The following STK40 variants were observed in gnomAD, a reference collection of about 807,000 sequenced individuals.
The protein encoded by STK40 is serine/threonine-protein kinase 40.
Under a neutral mutation model 47.9 loss-of-function variants are expected in STK40, and 13 were observed. The observed-to-expected ratio is 0.27, with a 90% CI of 0.18 to 0.43. The LOEUF is 0.43. Among genes scored for constraint, STK40 ranks in the 20% least tolerant of loss-of-function variants. STK40 has a pLI of 1.00. For synonymous variants in STK40, 225 were observed against 243.2 expected, an observed-to-expected ratio of 0.93 and a Z score of 0.69; for missense variants, 460 against 595.1, an observed-to-expected ratio of 0.77 and a Z score of 2.36.
intron 1 of STK40, among the ~76,000 whole-genome samples, chr1:36,367,439 T>A (rs1463525961): frequency 6.6e-6 from 1 of 152,194 alleles, no homozygotes; most frequent in Non-Finnish European, 1.5e-5. Flanking sequence ...GATCTTACTC[T>A]GTCAATTTGG....
chr1:36,383,841 T>A (rs907841024), intron 1 of STK40, among the ~76,000 whole-genome samples: 7 of 152,006 alleles, frequency 4.6e-5, no homozygotes, highest in Non-Finnish European at 8.8e-5. Flanking sequence ...GCTCTCAAAG[T>A]ATTCATTCTC....
chr1:36,340,480 CCTCT>C lies in STK40; in HGVS notation c.*1271_*1274del, dbSNP rs1334274344. ...ATGACTGCCTGGAGGGGACACTCAG[CCTCT>C]CTGAGGACATATGGGGGGTAGGCCT... On this transcript the variant is annotated 3_prime_UTR_variant, in exon 11 of 11. Coordinates refer to ENST00000373132, the MANE Select transcript of STK40 (RefSeq NM_001282547.2). 6.6e-6 allele frequency: 1 copy of C among 152,660 alleles called. No homozygotes were observed. Among genetic ancestry groups the C allele is most frequent in the African/African-American group, 2.4e-5 (1 of 41,400 alleles). 9.5% of individuals were successfully genotyped at this position (152,660 alleles called of 1,614,324 possible). A position where few individuals can be genotyped will look rare whatever the true frequency, so the allele number is the denominator to read the frequency against.
rs115551781 is a variant in STK40 at position 36,372,167 on chromosome 1, C to A, written c.-8-10827G>T. 3.2e-3 allele frequency among the ~76,000 whole-genome samples: 487 copies of A among 152,146 alleles called. 3 individuals carry two copies. Among genetic ancestry groups the A allele is most frequent in the African/African-American group, 0.011 (470 of 41,526 alleles). On this transcript the variant is annotated intron_variant, in intron 1 of 10. Coordinates refer to ENST00000373132, the MANE Select transcript of STK40 (RefSeq NM_001282547.2). ...ACTGATCACCTCCCCACAACACACACACACAACACAAAATTTTCTAGAAAA... is the reference window on the plus strand; with the variant it reads ...ACTGATCACCTCCCCACAACACACAAACACAACACAAAATTTTCTAGAAAA...
chr1:36,367,827 C>T (rs1423536941), intron 1 of STK40: 6 of 985,600 alleles, frequency 6.1e-6, no homozygotes, highest in South Asian at 9.4e-5. Context: ...CACATAGGAG[C>T]GCACACATGC....
At position 36,362,293 on chromosome 1, in the gene STK40, G is replaced by A. The variant is rs567809868; in HGVS notation, c.-8-953C>T. On this transcript the variant is annotated intron_variant, in intron 1 of 10. Transcript: ENST00000373132. ...ATCCGGGGGGGACAAGGAAACAGAT[G>A]TGTACAGACGAGTTCCACATGGGGA... 3.3e-5 allele frequency among the ~76,000 whole-genome samples: 5 copies of A among 152,322 alleles called. No homozygotes were observed. In the South Asian group the frequency reaches 1.0e-3, roughly 32 times the overall value.
chr1:36,363,100 A>G (rs1646867726), intron 1 of STK40, among the ~76,000 whole-genome samples: 1 of 152,108 alleles, frequency 6.6e-6, no homozygotes. Context: ...GTCTACAGTG[A>G]GCTGAGATCA....
At chr1:36,352,676 C>T (rs1646769765) in intron 6 of STK40, among the ~76,000 whole-genome samples, 1 of 152,214 alleles carries the variant, frequency 6.6e-6, no homozygotes, top group South Asian at 2.1e-4. Flanking sequence ...CATCCCTTCA[C>T]TTTCTCAGCC....
chr1:36,371,232 T>C (rs1570461313), intron 1 of STK40, among the ~76,000 whole-genome samples: 1 of 150,572 alleles, frequency 6.6e-6, no homozygotes, highest in Non-Finnish European at 1.5e-5. Context: ...ACGGAAATGC[T>C]GTGTAGTTAC....
chr1:36,345,991 A>ATATTTTTTT, intron 7 of STK40, among the ~76,000 whole-genome samples: 4 of 26,464 alleles, frequency 1.5e-4, no homozygotes, highest in African/African-American at 4.2e-4. Context: ...ATATATATAT[A>ATATTTTTTT]TTTTTTTTTT....
rs147285090 is a variant in STK40, at chr1:36,349,685, G to A, written c.624-870C>T. Among the ~76,000 whole-genome samples the A allele has an allele frequency of 8.0e-5, 12 of 150,868 alleles. No individual in the cohort carries two copies. In the East Asian group the frequency reaches 2.2e-3, roughly 27 times the overall value. On this transcript the variant is annotated intron_variant, in intron 6 of 10. Transcript: ENST00000373132. ...AAGGCGTGGGGCAGGGCAGCTTTGG[G>A]CTCTGATCCTTTGGAGAAAACTCAC...
Position 36,380,455 on chromosome 1 carries a change from T to G in STK40, c.-9+5268A>C, listed in dbSNP as rs148745553. On this transcript the variant is annotated intron_variant, in intron 1 of 10. Coordinates refer to ENST00000373132, the MANE Select transcript of STK40 (RefSeq NM_001282547.2). ...CCCTTCCCTGAAGGTTCTGAGCAAG[T>G]CCTGGGTGGCCTCTGGCAGATATCA... Among the ~76,000 whole-genome samples the G allele has an allele frequency of 1.4e-3, 209 of 152,286 alleles. 1 individual carries two copies. Among genetic ancestry groups the G allele is most frequent in the Admixed American group, 2.0e-3 (31 of 15,288 alleles).
chr1:36,358,262 C>T lies in STK40; in HGVS notation c.319G>A (p.Val107Met), dbSNP rs775891982. 1 of 1,595,304 alleles carries T rather than the reference C, an allele frequency of 6.3e-7. No homozygotes were observed. Among genetic ancestry groups the T allele is most frequent in the Admixed American group, 1.7e-5 (1 of 59,656 alleles). The change falls in exon 4 of 11, where the codon GTG becomes ATG. Residue 107 changes from valine to methionine, a missense_variant. By Grantham distance (21) the Val-to-Met change is conservative (BLOSUM62 1). This residue lies in a region of STK40 where 277 missense variants were observed against 358.7 expected (regional missense o/e 0.77). Transcript: ENST00000373132. ...LSLLHTQDGVVHHHGLFQDRT... is the reference protein window; with the variant it reads ...LSLLHTQDGVMHHHGLFQDRT... ...ACCTGGAAGAGGCCGTGGTGGTGCA[C>T]CACGCCATCCTGCGTGTGCAGGAGA...
At chr1:36,363,432 T>G (rs1334526246) in intron 1 of STK40, among the ~76,000 whole-genome samples, 3 of 152,208 alleles carry the variant, frequency 2.0e-5, no homozygotes, top group Non-Finnish European at 4.4e-5. Flanking sequence ...TCACTTGAGA[T>G]AGCTACACAG....
In STK40 at chr1:36,354,274, A is replaced by C; in HGVS notation, c.623+90T>G. The stretch of plus-strand genomic sequence containing the variant: ...TGGGTTGTTTTGAGTCGGAATCCTC[A>C]TGAGGACACTTCAGGGCACTGGAGA... On this transcript the variant is annotated intron_variant, in intron 6 of 10. Coordinates refer to ENST00000373132, the MANE Select transcript of STK40 (RefSeq NM_001282547.2). The C allele has an allele frequency of 3.5e-6, 5 of 1,426,090 alleles. No homozygotes were observed. In the Admixed American group the frequency reaches 6.8e-5, roughly 19 times the overall value. 88.3% of individuals were successfully genotyped at this position (1,426,090 alleles called of 1,614,324 possible). A position where few individuals can be genotyped will look rare whatever the true frequency, so the allele number is the denominator to read the frequency against.
In STK40 at chr1:36,352,735, T is replaced by G. The variant is rs927394552; in HGVS notation, c.623+1629A>C. ...ACGAATTGACTCAGGTGGCAGCCAC[T>G]GTCCCTCCACATGTCCCTTGCCCTC... On this transcript the variant is annotated intron_variant, in intron 6 of 10. Coordinates refer to ENST00000373132, the MANE Select transcript of STK40 (RefSeq NM_001282547.2). 2.0e-5 allele frequency among the ~76,000 whole-genome samples: 3 copies of G among 152,220 alleles called. No homozygotes were observed. In the South Asian group the frequency reaches 6.2e-4, roughly 32 times the overall value.
In STK40 at chr1:36,354,407, C is replaced by T. The variant is rs373426288; in HGVS notation, c.580G>A (p.Val194Met). The T allele has an allele frequency of 1.1e-5, 18 of 1,613,950 alleles. No homozygotes were observed. The East Asian group carries it at 1.3e-4, about 12-fold the overall frequency. The change falls in exon 6 of 11, where the codon GTG (valine) becomes ATG (methionine). Residue 194 changes from valine (V) to methionine (M), a missense_variant. By Grantham distance (21) the Val-to-Met change is conservative. Transcript: ENST00000373132. Reference protein sequence around the residue: ...VVEALHQKNIVHRDLKLGNMV... With the variant: ...VVEALHQKNIMHRDLKLGNMV... ...TTCCCCAGCTTCAGGTCTCTGTGCA[C>T]GATATTTTTCTGTAAAACAACAGGC...
intron 1 of STK40, among the ~76,000 whole-genome samples, chr1:36,374,574 CTGA>C (rs1417485675): frequency 1.3e-5 from 2 of 152,222 alleles, no homozygotes; most frequent in African/African-American, 4.8e-5. Context: ...CCGGAAGCAG[CTGA>C]TGTGACAACA....
chr1:36,342,844 GC>G, intron 10 of STK40: 1 of 305,296 alleles, frequency 3.3e-6, no homozygotes, highest in Non-Finnish European at 6.2e-6. Context: ...AATATCCAGG[GC>G]CCAGCAATGC....
At chr1:36,371,410 C>T (rs546803773) in intron 1 of STK40, among the ~76,000 whole-genome samples, 6 of 150,848 alleles carry the variant, frequency 4.0e-5, no homozygotes, top group East Asian at 2.0e-4. Flanking sequence ...AAAAATTAGC[C>T]GGGCGTGCTG....
Sources: gnomAD v4.1 joint callset for allele counts (sites outside exome capture counted in the v4.1 genomes callset) on GRCh38, gnomAD v4.1.1 for gene constraint, gnomAD v4.1.1 regional missense constraint, MANE v1.5 for transcripts, NCBI Gene and HGNC (gene_info 2026-07-23, HGNC 2026-07-21) for gene names.